The following SRD5A1 variants were observed in gnomAD, a reference collection of about 807,000 sequenced individuals.
The protein encoded by SRD5A1 is 3-oxo-5-alpha-steroid 4-dehydrogenase 1.
SRD5A1 carries 22 observed loss-of-function variants against 28.2 expected under a neutral mutation model. That is an observed-to-expected ratio of 0.78 (90% CI 0.56 to 1.12). SRD5A1 has a LOEUF of 1.12. Ranked by LOEUF, SRD5A1 falls within the 50% of genes most tolerant of loss-of-function variation. SRD5A1 has a pLI of 0.00. For missense variants in SRD5A1, 300 were observed against 346.7 expected, an observed-to-expected ratio of 0.87 and a Z score of 1.07; for synonymous variants, 151 against 135.0, an observed-to-expected ratio of 1.12 and a Z score of -0.82.
chr5:6,639,067 C>T (rs919927602), intron 1 of SRD5A1, among the ~76,000 whole-genome samples: 3 of 152,308 alleles, frequency 2.0e-5, no homozygotes, highest in South Asian at 2.1e-4. Context: ...GACGTCCAGA[C>T]GCTTTGAGAG....
intron 1 of SRD5A1, among the ~76,000 whole-genome samples, chr5:6,642,133 T>C (rs1198243397): frequency 6.6e-6 from 1 of 152,228 alleles, no homozygotes; most frequent in Non-Finnish European, 1.5e-5. Context: ...ATAGAATTCT[T>C]TTCTTGGTGA....
In SRD5A1 at chr5:6,651,907, C is replaced by T. The variant is rs545726471; in HGVS notation, c.359C>T (p.Ala120Val). ...KPMPLLACTM[A>V]IMFCTCNGYL... ...ATGCCACTGTTGGCGTGTACAATGG[C>T]GATTATGTTCTGTACCTGTAACGGC... The change falls in exon 2 of 5, where the codon GCG (alanine) becomes GTG (valine). Residue 120 changes from alanine to valine, a missense_variant. Physicochemically the swap from Ala to Val is moderately conservative, Grantham distance 64. Around this residue, in one of 2 missense-constraint regions of SRD5A1, gnomAD observed 126 missense variants for 185.7 expected, o/e 0.68. Coordinates refer to ENST00000274192, the MANE Select transcript of SRD5A1 (RefSeq NM_001047.4). 9 of 1,613,852 alleles carry T rather than the reference C, an allele frequency of 5.6e-6. No individual in the cohort carries two copies. The highest frequency in any genetic ancestry group is 5.0e-5 in the Admixed American group (3 of 59,998).
rs537850225 is a variant in SRD5A1 at position 6,650,502 on chromosome 5, T to C, written c.294-1340T>C. ...TCTTTCAATGTGTTATACACTTATATTAAAAAGAAAATTCAAACAGAGAAT... is the reference window on the plus strand; with the variant it reads ...TCTTTCAATGTGTTATACACTTATACTAAAAAGAAAATTCAAACAGAGAAT... On this transcript the variant is annotated intron_variant, in intron 1 of 4. Coordinates refer to ENST00000274192, the MANE Select transcript of SRD5A1 (RefSeq NM_001047.4). Among the ~76,000 whole-genome samples the C allele has an allele frequency of 1.6e-4, 25 of 152,350 alleles. No individual in the cohort carries two copies. The South Asian group carries it at 5.2e-3, about 32-fold the overall frequency.
intron 1 of SRD5A1, among the ~76,000 whole-genome samples, chr5:6,639,966 A>G (rs551344103): frequency 1.3e-5 from 2 of 152,376 alleles, no homozygotes; most frequent in African/African-American, 4.8e-5. Context: ...AGATACACAC[A>G]TACACATACA....
intron 3 of SRD5A1, among the ~76,000 whole-genome samples, chr5:6,661,694 G>A (rs796646244): frequency 5.9e-5 from 9 of 152,008 alleles, no homozygotes; most frequent in African/African-American, 2.2e-4. Context: ...CATCACACCT[G>A]GCTGATTTTT....
intron 4 of SRD5A1, among the ~76,000 whole-genome samples, chr5:6,664,160 C>G (rs984374709): frequency 6.6e-6 from 1 of 152,176 alleles, no homozygotes; most frequent in African/African-American, 2.4e-5. Flanking sequence ...CTCAAAACAT[C>G]TAATCGAAAT....
rs771731341 is a variant in SRD5A1 at position 6,656,133 on chromosome 5, A to G, written c.516A>G (p.Leu172=). The change falls in exon 3 of 5, where the codon CTA becomes CTG. Residue 172 remains leucine, a synonymous_variant. Transcript: ENST00000274192. ...MLINIHSDHI[L]RNLRKPGDTG... is the part of the protein sequence containing the mutation. ...TAAACATCCATTCAGATCATATCCT[A>G]AGGAATCTCAGAAAACCAGGAGATA... 1.2e-6 allele frequency: 2 copies of G among 1,614,086 alleles called. No individual in the cohort carries two copies. Among genetic ancestry groups the G allele is most frequent in the Admixed American group, 1.7e-5 (1 of 60,022 alleles).
At chr5:6,664,589 A>T (rs1739105630) in intron 4 of SRD5A1, among the ~76,000 whole-genome samples, 1 of 152,102 alleles carries the variant, frequency 6.6e-6, no homozygotes. Flanking sequence ...TATTTTTTGT[A>T]GAGTTGTGGT....
intron 1 of SRD5A1, among the ~76,000 whole-genome samples, chr5:6,646,949 G>A (rs1738527311): frequency 6.6e-6 from 1 of 152,160 alleles, no homozygotes; most frequent in Admixed American, 6.5e-5. Flanking sequence ...TGCTTTAAAT[G>A]TGTCCCAAAG....
At chr5:6,645,588 G>A (rs523584) in intron 1 of SRD5A1, among the ~76,000 whole-genome samples, 3,595 of 150,614 alleles carry the variant, frequency 0.024, 154 homozygotes, top group African/African-American at 0.082. Context: ...GCGGTGAGCC[G>A]AGATCACGCC....
At chr5:6,643,209 G>A (rs1270545003) in intron 1 of SRD5A1, among the ~76,000 whole-genome samples, 1 of 152,130 alleles carries the variant, frequency 6.6e-6, no homozygotes, top group Non-Finnish European at 1.5e-5. Flanking sequence ...CAGCCTTGAT[G>A]TGAACTCCTC....
chr5:6,636,165 C>T (rs1430456961), intron 1 of SRD5A1, among the ~76,000 whole-genome samples: 2 of 151,628 alleles, frequency 1.3e-5, no homozygotes, highest in East Asian at 3.9e-4. Context: ...AAAAGATAAA[C>T]ATTTTCCATT....
intron 1 of SRD5A1, among the ~76,000 whole-genome samples, chr5:6,651,223 G>A (rs1738662615): frequency 6.6e-6 from 1 of 152,166 alleles, no homozygotes; most frequent in Admixed American, 6.5e-5. Flanking sequence ...ATGGTTTTAG[G>A]ATAGTGGAAA....
intron 2 of SRD5A1, among the ~76,000 whole-genome samples, chr5:6,654,680 A>G (rs890992934): frequency 6.6e-6 from 1 of 150,470 alleles, no homozygotes; most frequent in Non-Finnish European, 1.5e-5. Flanking sequence ...TGATCCACCC[A>G]CCTTGGCCTC....
chr5:6,636,371 G>A (rs929090179), intron 1 of SRD5A1, among the ~76,000 whole-genome samples: 1 of 152,178 alleles, frequency 6.6e-6, no homozygotes. Flanking sequence ...GAGGCTGTGG[G>A]TACAAGGATG....
Position 6,674,161 on chromosome 5 carries a change from GTTAT to G in SRD5A1, c.*5897_*5900del, listed in dbSNP as rs1334670942. ...ACTTATTTTCATTATTATCTAAAAT[GTTAT>G]TTAATTATTAAATTTAGATGCTACT... On this transcript the variant is annotated 3_prime_UTR_variant, in exon 5 of 5. Transcript: ENST00000274192. 1 of 151,522 alleles carries G rather than the reference GTTAT, an allele frequency of 6.6e-6. No homozygotes were observed. The highest frequency in any genetic ancestry group is 1.5e-5 in the Non-Finnish European group (1 of 67,900). 9.4% of individuals were successfully genotyped at this position (151,522 alleles called of 1,614,324 possible). A position where few individuals can be genotyped will look rare whatever the true frequency, so the allele number is the denominator to read the frequency against.
At chr5:6,666,271 C>G (rs998275563) in intron 4 of SRD5A1, among the ~76,000 whole-genome samples, 1 of 152,128 alleles carries the variant, frequency 6.6e-6, no homozygotes, top group Non-Finnish European at 1.5e-5. Context: ...CCTCAGCCTC[C>G]TGAGTAGCTG....
Position 6,662,844 on chromosome 5 carries a change from C to G in SRD5A1, c.591C>G (p.Ala197=). ...GCTTATTTGAATACGTAACTGCAGC[C>G]AACTATTTTGGAGAAATCATGGAGT... The part of the protein sequence containing the change: ...RGGLFEYVTA[A]NYFGEIMEWC... Residue 197 remains alanine, a synonymous_variant, in exon 4 of 5, where the codon GCC becomes GCG. Transcript: ENST00000274192. 2.5e-6 allele frequency: 4 copies of G among 1,612,664 alleles called. No homozygotes were observed. Among genetic ancestry groups the G allele is most frequent in the Non-Finnish European group, 3.4e-6 (4 of 1,180,016 alleles).
Position 6,668,227 on chromosome 5 carries a change from T to C in SRD5A1, c.739T>C (p.Tyr247His). 1 of 1,585,588 alleles carries C rather than the reference T, an allele frequency of 6.3e-7. No individual in the cohort carries two copies. The highest frequency in any genetic ancestry group is 8.6e-7 in the Non-Finnish European group (1 of 1,167,786). The change falls in exon 5 of 5, where the codon TAT (tyrosine) becomes CAT (histidine). Residue 247 changes from tyrosine to histidine, a missense_variant. Physicochemically the swap from Tyr to His is moderately conservative, Grantham distance 83 (BLOSUM62 2). Around this residue, in one of 2 missense-constraint regions of SRD5A1, gnomAD observed 126 missense variants for 185.7 expected, o/e 0.68. Transcript: ENST00000274192. ...GTGGTACCTCCGGAAATTTGAAGAG[T>C]ATCCAAAGTTCAGAAAAATTATAAT... ...HEWYLRKFEE[Y>H]PKFRKIIIPF...
Sources: gnomAD v4.1 joint callset for allele counts (sites outside exome capture counted in the v4.1 genomes callset) on GRCh38, gnomAD v4.1.1 for gene constraint, gnomAD v4.1.1 regional missense constraint, MANE v1.5 for transcripts, NCBI Gene and HGNC (gene_info 2026-07-23, HGNC 2026-07-21) for gene names.